AADACL2: variants seen among roughly 807,000 people sequenced by gnomAD.
AADACL2 encodes arylacetamide deacetylase-like 2.
In AADACL2, 23 loss-of-function variants were observed where a neutral mutation model predicts 22.3. That is an observed-to-expected ratio of 1.03 (90% CI 0.74 to 1.46). The LOEUF is 1.46. Among genes scored for constraint, AADACL2 ranks in the 40% most tolerant of loss-of-function variants. The pLI, the probability that AADACL2 is intolerant of heterozygous loss-of-function variation, is 0.00. For missense variants in AADACL2, 472 were observed against 482.9 expected, an observed-to-expected ratio of 0.98 and a Z score of 0.21; for synonymous variants, 177 against 166.2, an observed-to-expected ratio of 1.07 and a Z score of -0.50.
rs34754709 is a variant in AADACL2, at chr3:151,740,838, C to G, written c.331C>G (p.His111Asp). 440 of 1,613,916 alleles carry G rather than the reference C, an allele frequency of 2.7e-4. 2 individuals carry two copies. The highest frequency in any genetic ancestry group is 1.2e-3 in the Middle Eastern group (7 of 6,058). ...ETRRRAVIYF[H>D]GGGFCFGSSK... ...CCGAAGGCGAGCTGTGATATATTTT[C>G]ATGGTGGTGGTTTTTGTTTTGGAAG... The change falls in exon 2 of 5, where the codon CAT becomes GAT. Residue 111 changes from histidine to aspartate, a missense_variant. This residue lies in a region of AADACL2 where 356 missense variants were observed against 365.5 expected (regional missense o/e 0.97). Transcript: ENST00000356517.
intron 1 of AADACL2, among the ~76,000 whole-genome samples, chr3:151,738,059 T>C (rs1713153509): frequency 6.6e-6 from 1 of 152,210 alleles, no homozygotes; most frequent in African/African-American, 2.4e-5. Flanking sequence ...CATTGGTCTT[T>C]ATATTTTGGT....
chr3:151,756,542 T>A (rs1363396027), intron 4 of AADACL2, among the ~76,000 whole-genome samples: 1 of 152,078 alleles, frequency 6.6e-6, no homozygotes, highest in Non-Finnish European at 1.5e-5. Context: ...GATTCTATAA[T>A]GAAATAATAT....
At chr3:151,749,491 T>G (rs1010561514) in intron 4 of AADACL2, among the ~76,000 whole-genome samples, 2 of 152,144 alleles carry the variant, frequency 1.3e-5, no homozygotes. Context: ...AGACTTTTTT[T>G]TTGGTTTTTG....
At chr3:151,734,255 A>G in intron 1 of AADACL2, 82 bp downstream of exon 1, 1 of 1,366,176 alleles carries the variant, frequency 7.3e-7, no homozygotes. Flanking sequence ...TCTTTTATTA[A>G]TAGTATTAAT....
rs745746009 is a variant in AADACL2, at chr3:151,744,164, T to G, written c.431+2T>G. On this transcript the variant is annotated splice_donor_variant, in intron 3 of 4. Transcript: ENST00000356517. LOFTEE classifies it high-confidence loss of function. ...TGATGCTGTTGTTGTAGGCGTGGAG[T>G]AAGAATGATTTTTTTCTGGCTACTA... The G allele has an allele frequency of 1.2e-6, 2 of 1,612,936 alleles. No homozygotes were observed. The highest frequency in any genetic ancestry group is 1.7e-5 in the Admixed American group (1 of 59,916).
intron 4 of AADACL2, among the ~76,000 whole-genome samples, chr3:151,750,816 C>G (rs112268080): frequency 1.1e-4 from 17 of 152,192 alleles, no homozygotes; most frequent in Middle Eastern, 3.4e-3. Flanking sequence ...TATATATGCA[C>G]ATACATACAT....
At chr3:151,748,477 A>G (rs893874584) in intron 4 of AADACL2, among the ~76,000 whole-genome samples, 1 of 152,178 alleles carries the variant, frequency 6.6e-6, no homozygotes, top group African/African-American at 2.4e-5. Flanking sequence ...TTGATCCCCA[A>G]TGTGGCAGCA....
At position 151,744,075 on chromosome 3, in the gene AADACL2, T is replaced by C; in HGVS notation, c.362-18T>C. The stretch of plus-strand genomic sequence containing the variant: ...TTTAATTACAGGAAATACTTTGATG[T>C]TTATTTCTTCATTTCAGAACAGAGG... On this transcript the variant is annotated intron_variant, in intron 2 of 4. Transcript: ENST00000356517. 6.2e-7 allele frequency: 1 copy of C among 1,611,180 alleles called. No homozygotes were observed. The highest frequency in any genetic ancestry group is 8.5e-7 in the Non-Finnish European group (1 of 1,177,778).
intron 2 of AADACL2, among the ~76,000 whole-genome samples, chr3:151,743,003 T>A (rs1034673921): frequency 6.6e-6 from 1 of 152,172 alleles, no homozygotes; most frequent in Middle Eastern, 3.4e-3. Flanking sequence ...TCTGCAGATT[T>A]TTTTTTTAAT....
intron 1 of AADACL2, among the ~76,000 whole-genome samples, chr3:151,737,492 G>A (rs539608255): frequency 1.4e-4 from 21 of 152,208 alleles, no homozygotes; most frequent in Non-Finnish European, 2.6e-4. Context: ...TTGGTCCAGA[G>A]CTGAGTGCAA....
intron 1 of AADACL2, among the ~76,000 whole-genome samples, chr3:151,740,396 T>A (rs1387580289): frequency 1.3e-4 from 20 of 152,230 alleles, no homozygotes; most frequent in Non-Finnish European, 1.6e-4. Context: ...GCCTTCTGCA[T>A]TGCCCTCACT....
At chr3:151,750,040 A>G (rs1713605407) in intron 4 of AADACL2, among the ~76,000 whole-genome samples, 1 of 152,166 alleles carries the variant, frequency 6.6e-6, no homozygotes, top group African/African-American at 2.4e-5. Context: ...GAGAGTTTGT[A>G]TAATGAAAAG....
chr3:151,757,720 A>G lies in AADACL2; in HGVS notation c.*126A>G, dbSNP rs1576619803. The G allele has an allele frequency of 1.5e-5, 18 of 1,221,004 alleles. No homozygotes were observed. The highest frequency in any genetic ancestry group is 2.4e-5 in the Admixed American group (1 of 41,054). 75.6% of individuals were successfully genotyped at this position (1,221,004 alleles called of 1,614,324 possible). ...ACATTTGCAACATTTGTAGCAGTTA[A>G]TGTGTGTCCTTGAAGAGTTATTAAA... On this transcript the variant is annotated 3_prime_UTR_variant, in exon 5 of 5. Transcript: ENST00000356517.
intron 1 of AADACL2, among the ~76,000 whole-genome samples, chr3:151,739,358 T>C (rs1713199531): frequency 6.6e-6 from 1 of 152,210 alleles, no homozygotes; most frequent in Non-Finnish European, 1.5e-5. Flanking sequence ...TGCTTGCTCC[T>C]TCCTCTGGAA....
chr3:151,744,417 C>T (rs1225575023), intron 3 of AADACL2, among the ~76,000 whole-genome samples: 1 of 152,010 alleles, frequency 6.6e-6, no homozygotes, highest in Non-Finnish European at 1.5e-5. Flanking sequence ...GACTCAGGTC[C>T]TATAAGGCCC....
rs1169596429 is a variant in AADACL2, at chr3:151,759,172, G to A, written c.*1578G>A. 1.3e-5 allele frequency: 2 copies of A among 151,986 alleles called. No homozygotes were observed. Among genetic ancestry groups the A allele is most frequent in the African/African-American group, 4.8e-5 (2 of 41,374 alleles). 9.4% of individuals were successfully genotyped at this position (151,986 alleles called of 1,614,324 possible). ...CTATATGCTATACTACATACACTAA[G>A]AATATTGTATTTTTCATAATTCTGA... On this transcript the variant is annotated 3_prime_UTR_variant, in exon 5 of 5. Transcript: ENST00000356517.
intron 1 of AADACL2, 39 bp downstream of exon 1, chr3:151,734,212 T>C: frequency 1.3e-6 from 2 of 1,594,174 alleles, no homozygotes; most frequent in Non-Finnish European, 8.6e-7. Flanking sequence ...GAAATTGGGA[T>C]GACTTATTGA....
At chr3:151,742,700 T>G (rs1713319020) in intron 2 of AADACL2, among the ~76,000 whole-genome samples, 2 of 152,164 alleles carry the variant, frequency 1.3e-5, no homozygotes, top group Admixed American at 1.3e-4. Flanking sequence ...CCAAACATCC[T>G]GTTTGCGCCC....
chr3:151,739,982 G>A (rs950223637), intron 1 of AADACL2, among the ~76,000 whole-genome samples: 1 of 152,120 alleles, frequency 6.6e-6, no homozygotes, highest in Non-Finnish European at 1.5e-5. Context: ...AAAACCTCTT[G>A]GCTCCCTGAC....
Sources: allele counts gnomAD v4.1 joint callset (sites outside exome capture counted in the v4.1 genomes callset), GRCh38; gene constraint gnomAD v4.1.1; regional missense constraint gnomAD v4.1.1; transcripts MANE v1.5; gene names NCBI Gene and HGNC (gene_info 2026-07-23, HGNC 2026-07-21).